Variants in SEMA6D observed in about 807,000 individuals in gnomAD.
SEMA6D encodes the protein semaphorin 6D.
Under a neutral mutation model 106.6 loss-of-function variants are expected in SEMA6D, and 35 were observed. That is an observed-to-expected ratio of 0.33 (90% CI 0.25 to 0.44). The LOEUF is 0.44. SEMA6D is among the 20% of genes least tolerant of loss of function. The pLI is 1.00. For synonymous variants in SEMA6D, 499 were observed against 487.7 expected (o/e 1.02, Z -0.31); for missense variants, 1,185 against 1,345.9 (o/e 0.88, Z 1.87).
At chr15:47,388,712 T>C (rs2049338581) in intron 1 of SEMA6D, among the ~76,000 whole-genome samples, 1 of 152,132 alleles carries the variant, frequency 6.6e-6, no homozygotes, top group African/African-American at 2.4e-5. Flanking sequence ...TTCAAGGATA[T>C]ATAAAATCCA....
At chr15:47,359,585 G>C (rs562160967) in intron 1 of SEMA6D, 4 of 152,102 alleles carry the variant, frequency 2.6e-5, no homozygotes, top group Non-Finnish European at 5.9e-5. Context: ...AGTTATGATA[G>C]ATTTCAAGCA....
intron 3 of SEMA6D, among the ~76,000 whole-genome samples, chr15:47,586,306 TAGA>T (rs1192706694): frequency 6.6e-6 from 1 of 152,222 alleles, no homozygotes; most frequent in Admixed American, 6.5e-5. Flanking sequence ...AGGGGCCTAT[TAGA>T]AGATGAGAGC....
At chr15:47,627,856 C>A (rs759556641) in intron 4 of SEMA6D, among the ~76,000 whole-genome samples, 4 of 152,084 alleles carry the variant, frequency 2.6e-5, no homozygotes, top group Non-Finnish European at 4.4e-5. Flanking sequence ...CCCTCCCTGA[C>A]CACTGACCCC....
intron 1 of SEMA6D, among the ~76,000 whole-genome samples, chr15:47,222,328 A>G (rs958657336): frequency 6.6e-6 from 1 of 152,210 alleles, no homozygotes; most frequent in Admixed American, 6.5e-5. Context: ...CACTGGGTAC[A>G]GGACTTGTGC....
rs979096773 is a variant in SEMA6D, at chr15:47,736,569, G to A, written c.-55+18877G>A. Among the ~76,000 whole-genome samples, 9 of 152,142 alleles carry A rather than the reference G, an allele frequency of 5.9e-5. No individual in the cohort carries two copies. The East Asian group carries it at 1.7e-3, about 29-fold the overall frequency. ...GCTTAGTTTGTCGCTTATTTGGATC[G>A]TGGTGATGTAGGGTGATTACTCTAG... is the stretch of plus-strand genomic sequence containing the variant. On this transcript the variant is annotated intron_variant, in intron 1 of 18. Transcript: ENST00000536845.
At chr15:47,425,929 C>A (rs918439443) in intron 2 of SEMA6D, among the ~76,000 whole-genome samples, 36 of 152,026 alleles carry the variant, frequency 2.4e-4, no homozygotes. Context: ...GTTCTAATTA[C>A]TTTTAATCAT....
intron 1 of SEMA6D, among the ~76,000 whole-genome samples, chr15:47,726,846 G>A (rs2079789605): frequency 6.6e-6 from 1 of 152,164 alleles, no homozygotes; most frequent in Admixed American, 6.5e-5. Context: ...CTTTTCACAT[G>A]TGATTTTATC....
intron 1 of SEMA6D, among the ~76,000 whole-genome samples, chr15:47,192,836 A>G (rs567496365): frequency 2.5e-4 from 38 of 152,348 alleles, no homozygotes; most frequent in African/African-American, 8.9e-4. Flanking sequence ...GAAAATGTCT[A>G]CTGAATAGAG....
chr15:47,309,895 C>T (rs1390773575), intron 1 of SEMA6D, among the ~76,000 whole-genome samples: 1 of 152,188 alleles, frequency 6.6e-6, no homozygotes, highest in Admixed American at 6.5e-5. Flanking sequence ...ACTGCTTTCA[C>T]ACCATGGTAA....
intron 4 of SEMA6D, among the ~76,000 whole-genome samples, chr15:47,620,024 G>T (rs1566939721): frequency 6.6e-6 from 1 of 152,038 alleles, no homozygotes; most frequent in Non-Finnish European, 1.5e-5. Flanking sequence ...TTAGAAAAGG[G>T]GTTGCGGTGA....
rs281220 is a variant in SEMA6D at position 47,420,622 on chromosome 15, A to G, written c.-159+8150A>G. ...TCCTGATATTCTGCCTTTGCTGAAC[A>G]GATGTGAGAACTGTTGTTGAGTCAT... On this transcript the variant is annotated intron_variant, in intron 2 of 19. Transcript: ENST00000558014. 6.6e-3 allele frequency among the ~76,000 whole-genome samples: 996 copies of G among 152,006 alleles called. 11 individuals carry two copies. Among genetic ancestry groups the G allele is most frequent in the Admixed American group, 0.022 (343 of 15,252 alleles).
At chr15:47,550,113 C>G (rs1319959535) in intron 3 of SEMA6D, among the ~76,000 whole-genome samples, 1 of 152,144 alleles carries the variant, frequency 6.6e-6, no homozygotes, top group Admixed American at 6.5e-5. Flanking sequence ...AGAGGTTTTA[C>G]TTTTATTATA....
intron 4 of SEMA6D, among the ~76,000 whole-genome samples, chr15:47,647,311 G>A (rs1386185139): frequency 6.6e-6 from 1 of 152,170 alleles, no homozygotes; most frequent in African/African-American, 2.4e-5. Context: ...TTGTTTTCAT[G>A]CAGTGAGCTA....
chr15:47,374,332 T>C (rs1416825077), intron 1 of SEMA6D, among the ~76,000 whole-genome samples: 4 of 152,114 alleles, frequency 2.6e-5, no homozygotes, highest in Non-Finnish European at 5.9e-5. Flanking sequence ...TACCCTTCCT[T>C]GCATCTGTTA....
chr15:47,318,475 T>A (rs1282440997), intron 1 of SEMA6D, among the ~76,000 whole-genome samples: 1 of 142,374 alleles, frequency 7.0e-6, no homozygotes, highest in East Asian at 2.1e-4. Context: ...TGTCCATGTG[T>A]TCTCATTGTT....
At chr15:47,710,120 G>C (rs750229447) in intron 4 of SEMA6D, among the ~76,000 whole-genome samples, 3 of 152,160 alleles carry the variant, frequency 2.0e-5, no homozygotes, top group Non-Finnish European at 4.4e-5. Flanking sequence ...GAATCCAGTA[G>C]CTTGATATTT....
At chr15:47,273,711 C>T (rs541777360) in intron 1 of SEMA6D, among the ~76,000 whole-genome samples, 1 of 152,242 alleles carries the variant, frequency 6.6e-6, no homozygotes, top group South Asian at 2.1e-4. Context: ...ATCAGAGTTG[C>T]TATCATGATG....
intron 1 of SEMA6D, among the ~76,000 whole-genome samples, chr15:47,218,470 A>G (rs569418037): frequency 6.6e-6 from 1 of 152,286 alleles, no homozygotes; most frequent in East Asian, 1.9e-4. Flanking sequence ...AGTGACTCAC[A>G]CATTAAGTTT....
chr15:47,634,546 A>G (rs1436808502), intron 4 of SEMA6D, among the ~76,000 whole-genome samples: 2 of 152,178 alleles, frequency 1.3e-5, no homozygotes, highest in Non-Finnish European at 2.9e-5. Context: ...CCTCATTGAT[A>G]TTAAGTGGGA....
Sources: allele counts gnomAD v4.1 joint callset (sites outside exome capture counted in the v4.1 genomes callset), GRCh38; gene constraint gnomAD v4.1.1; transcripts MANE v1.5; gene names NCBI Gene and HGNC (gene_info 2026-07-23, HGNC 2026-07-21).